Variants in ASAH1 observed in about 807,000 individuals in gnomAD.
ASAH1 encodes acid ceramidase.
ASAH1 carries 70 observed loss-of-function variants against 59.5 expected under a neutral mutation model. The ratio of observed to expected loss-of-function variants is 1.18; its 90% CI spans 0.97 to 1.43. The LOEUF is 1.43. Among genes scored for constraint, ASAH1 ranks in the 40% most tolerant of loss-of-function variants. The pLI, the probability that ASAH1 is intolerant of heterozygous loss-of-function variation, is 0.00. For missense variants in ASAH1, 660 were observed against 482.5 expected, an observed-to-expected ratio of 1.37 and a Z score of -3.45; for synonymous variants, 213 against 166.5, an observed-to-expected ratio of 1.28 and a Z score of -2.15.
chr8:18,084,706 C>A (rs1263904787), upstream of ASAH1: 2 of 1,613,724 alleles, frequency 1.2e-6, no homozygotes, highest in Non-Finnish European at 1.7e-6. Context: ...TGCCAAATCC[C>A]AGAATTGAGG....
At chr8:18,063,587 G>A (rs114565667) in intron 6 of ASAH1, 341 of 239,740 alleles carry the variant, frequency 1.4e-3, no homozygotes, top group African/African-American at 7.0e-3. Context: ...GCAAAGTGCT[G>A]GCATTACAGG....
At chr8:18,083,896 T>A (rs1800771192) in intron 1 of ASAH1, 85 bp downstream of exon 1, 10 of 1,539,086 alleles carry the variant, frequency 6.5e-6, no homozygotes, top group South Asian at 3.5e-5. Context: ...GTGTTCCTTG[T>A]ACCCGCTCGC....
intron 1 of ASAH1, among the ~76,000 whole-genome samples, chr8:18,082,903 A>G (rs1800715511): frequency 6.6e-6 from 1 of 152,072 alleles, no homozygotes; most frequent in South Asian, 2.1e-4. Context: ...ACAATGGAGC[A>G]ATTTTATTTT....
rs1004284733 is a variant in ASAH1, at chr8:18,064,254, C to A, written c.457+203G>T. 3 of 582,492 alleles carry A rather than the reference C, an allele frequency of 5.2e-6. No individual in the cohort carries two copies. The South Asian group carries it at 6.8e-5, about 13-fold the overall frequency. 36.1% of individuals were successfully genotyped at this position (582,492 alleles called of 1,614,324 possible). ...TCCAGGTTTTTTGCATGTCTGAAAT[C>A]AACTTTAATAGGCAGTACAGTAGTC... On this transcript the variant is annotated intron_variant, in intron 6 of 13. Transcript: ENST00000637790.
At chr8:18,082,345 T>G (rs1401399053) in intron 1 of ASAH1, among the ~76,000 whole-genome samples, 1 of 152,148 alleles carries the variant, frequency 6.6e-6, no homozygotes, top group Non-Finnish European at 1.5e-5. Context: ...GTCCCACAGC[T>G]ATCTCTCAAT....
intron 5 of ASAH1, chr8:18,066,048 T>C (rs189878894): frequency 1.3e-4 from 20 of 152,202 alleles, no homozygotes; most frequent in Admixed American, 8.5e-4. Context: ...CCATAAGTCA[T>C]AGCATATACA....
chr8:18,057,530 G>A lies in ASAH1; in HGVS notation c.*4C>T, dbSNP rs2117010887. On this transcript the variant is annotated 3_prime_UTR_variant, in exon 14 of 14. Transcript: ENST00000637790. ...AGGCCGCATTCTGTAGGCCAGACGT[G>A]TGCTCACCAACCTATACAAGGGTCA... The A allele has an allele frequency of 6.3e-7, 1 of 1,593,216 alleles. No homozygotes were observed. Among genetic ancestry groups the A allele is most frequent in the South Asian group, 1.1e-5 (1 of 90,830 alleles).
At chr8:18,064,564 A>C in intron 5 of ASAH1, 33 bp from the exon 6 acceptor site, 1 of 1,239,288 alleles carries the variant, frequency 8.1e-7, no homozygotes, top group Non-Finnish European at 1.2e-6. Flanking sequence ...GTTAATATAC[A>C]GAACCATGAC....
intron 1 of ASAH1, chr8:18,083,003 T>C (rs2117103455): frequency 6.6e-6 from 1 of 152,336 alleles, no homozygotes; most frequent in Non-Finnish European, 1.5e-5. Flanking sequence ...TACTTTTATC[T>C]GCTGAACATT....
intron 2 of ASAH1, among the ~76,000 whole-genome samples, chr8:18,073,070 T>C (rs187473260): frequency 2.0e-5 from 3 of 152,232 alleles, no homozygotes; most frequent in Admixed American, 2.0e-4. Context: ...CCCACAAACC[T>C]CTCTACCATC....
rs1452581741 is a variant in ASAH1 at position 18,061,877 on chromosome 8, A to G, written c.649-137T>C. 2.5e-5 allele frequency: 21 copies of G among 854,148 alleles called. No individual in the cohort carries two copies. In the East Asian group the frequency reaches 5.3e-4, roughly 22 times the overall value. The allele number at this position is 854,148 out of a possible 1,614,324, so 52.9% of individuals were successfully genotyped here. On this transcript the variant is annotated intron_variant, in intron 8 of 13. Transcript: ENST00000637790. Reference sequence around the variant, plus strand: ...AGGCAAAAATAAATCAAAACCATAAAAGGCTTTTTAAAAAGTTCAAAGCAT... The same window carrying G: ...AGGCAAAAATAAATCAAAACCATAAGAGGCTTTTTAAAAAGTTCAAAGCAT...
At chr8:18,076,780 G>A (rs1438800202) in intron 1 of ASAH1, 1 of 152,174 alleles carries the variant, frequency 6.6e-6, no homozygotes, top group Admixed American at 6.5e-5. Context: ...AAATGTATCT[G>A]CTGGACAGCT....
At chr8:18,075,714 G>C in intron 1 of ASAH1, 127 bp from the exon 2 acceptor site, 1 of 808,848 alleles carries the variant, frequency 1.2e-6, no homozygotes. Context: ...ACGTTTCAAT[G>C]CCTCTTAAAA....
At position 18,084,080 on chromosome 8, in the gene ASAH1, TC is replaced by T. The variant is rs1800784624; in HGVS notation, c.-23del. 6.3e-7 allele frequency: 1 copy of T among 1,597,828 alleles called. No homozygotes were observed. ...GCATCGCTCTAGCAGCCAACGCCACTCCCCGGACTCCAGCAGAGGCAAAGAA... is the reference window on the plus strand; with the variant it reads ...GCATCGCTCTAGCAGCCAACGCCACTCCCGGACTCCAGCAGAGGCAAAGAA... On this transcript the variant is annotated 5_prime_UTR_variant, in exon 1 of 14. Coordinates refer to ENST00000637790, the MANE Select transcript of ASAH1 (RefSeq NM_177924.5).
intron 4 of ASAH1, chr8:18,067,547 T>A (rs1799984960): frequency 1.7e-5 from 3 of 181,096 alleles, no homozygotes; most frequent in African/African-American, 4.7e-5. Flanking sequence ...ATTCTCAGAT[T>A]GTTTTTCCTG....
chr8:18,080,064 T>C (rs1028521520), intron 1 of ASAH1, among the ~76,000 whole-genome samples: 1 of 152,218 alleles, frequency 6.6e-6, no homozygotes, highest in Non-Finnish European at 1.5e-5. Context: ...AATAAGTGAA[T>C]GGATTACACC....
At position 18,062,295 on chromosome 8, in the gene ASAH1, A is replaced by T; in HGVS notation, c.632T>A (p.Leu211Ter). The T allele has an allele frequency of 6.2e-7, 1 of 1,614,234 alleles. No homozygotes were observed. The highest frequency in any genetic ancestry group is 8.5e-7 in the Non-Finnish European group (1 of 1,180,042). ...ACTCCTTACTGGTTTGAATCCTGTT[A>T]ACATGCCCACATAGCCAGCAAAGCT... is the stretch of plus-strand genomic sequence containing the variant. Reference protein sequence around the residue: ...ASSFAGYVGMLTGFKPGLFSL... With the variant: ...ASSFAGYVGM The change falls in exon 8 of 14, where the codon TTA (leucine) becomes TAA (stop). Residue 211 changes from leucine (L) to a stop codon, truncating the protein, a stop_gained. Transcript: ENST00000637790. LOFTEE classifies it high-confidence loss of function.
chr8:18,058,555 T>A, intron 13 of ASAH1: 1 of 436,440 alleles, frequency 2.3e-6, no homozygotes, highest in South Asian at 2.6e-5. Flanking sequence ...AGTGTGAGAT[T>A]TTTAATAGAT....
At chr8:18,064,199 G>T in intron 6 of ASAH1, 2 of 577,834 alleles carry the variant, frequency 3.5e-6, no homozygotes, top group South Asian at 4.6e-5. Context: ...ATGAGGAAGA[G>T]AAGAATGTTT....
Sources: gnomAD v4.1 joint callset for allele counts (sites outside exome capture counted in the v4.1 genomes callset) on GRCh38, gnomAD v4.1.1 for gene constraint, MANE v1.5 for transcripts, NCBI Gene and HGNC (gene_info 2026-07-23, HGNC 2026-07-21) for gene names.